Variants in MAN1A2 observed in about 807,000 individuals in gnomAD.
MAN1A2 encodes the protein mannosidase alpha class 1A member 2, also known as mannosyl-oligosaccharide 1,2-alpha-mannosidase IB.
Under a neutral mutation model 75.7 loss-of-function variants are expected in MAN1A2, and 26 were observed. The ratio of observed to expected loss-of-function variants is 0.34; its 90% CI spans 0.25 to 0.48. The LOEUF (loss-of-function observed/expected upper bound fraction) is 0.48. MAN1A2 is among the 20% of genes least tolerant of loss of function. The pLI is 0.99. For missense variants in MAN1A2, 562 were observed against 775.5 expected (o/e 0.72, Z 3.27); for synonymous variants, 247 against 264.6 (o/e 0.93, Z 0.65).
At chr1:117,444,125 T>C (rs1649132367) in intron 6 of MAN1A2, among the ~76,000 whole-genome samples, 1 of 152,170 alleles carries the variant, frequency 6.6e-6, no homozygotes, top group African/African-American at 2.4e-5. Flanking sequence ...TTCTTATCTT[T>C]CTCACTCAAT....
intron 8 of MAN1A2, among the ~76,000 whole-genome samples, chr1:117,483,599 G>C (rs1016645748): frequency 6.6e-6 from 1 of 152,086 alleles, no homozygotes; most frequent in Non-Finnish European, 1.5e-5. Context: ...TGTATCCTGA[G>C]ACTTTGCTGA....
chr1:117,425,211 C>T (rs914303222), intron 5 of MAN1A2, among the ~76,000 whole-genome samples: 5 of 151,888 alleles, frequency 3.3e-5, no homozygotes, highest in African/African-American at 1.2e-4. Flanking sequence ...TAAAAAGATG[C>T]AAAGTTTTAA....
chr1:117,422,952 C>G (rs147603193), intron 5 of MAN1A2, among the ~76,000 whole-genome samples: 2 of 152,126 alleles, frequency 1.3e-5, no homozygotes, highest in Non-Finnish European at 1.5e-5. Flanking sequence ...ATGGTTCATG[C>G]ATTTGGTATT....
chr1:117,458,993 A>G (rs1649722534), intron 6 of MAN1A2, among the ~76,000 whole-genome samples: 1 of 152,154 alleles, frequency 6.6e-6, no homozygotes, highest in Admixed American at 6.6e-5. Flanking sequence ...AGCAGTCATG[A>G]AAGCTAGACA....
intron 8 of MAN1A2, among the ~76,000 whole-genome samples, chr1:117,468,351 C>T (rs1650042746): frequency 1.3e-5 from 2 of 152,082 alleles, no homozygotes; most frequent in South Asian, 4.1e-4. Flanking sequence ...GCTTTTTGAG[C>T]CAGCAACTCA....
chr1:117,439,202 G>A (rs918130604), intron 5 of MAN1A2, among the ~76,000 whole-genome samples: 5 of 152,168 alleles, frequency 3.3e-5, no homozygotes, highest in African/African-American at 1.2e-4. Flanking sequence ...GTGCATGAAG[G>A]AGGGGGTGAA....
intron 4 of MAN1A2, 34 bp from the exon 5 acceptor site, chr1:117,420,535 G>C: frequency 7.1e-7 from 1 of 1,404,510 alleles, no homozygotes. Context: ...AAAGCATTAC[G>C]TATTTGTGAA....
Position 117,499,069 on chromosome 1 carries a change from A to G in MAN1A2, c.1505-313A>G, listed in dbSNP as rs146426203. 2.6e-3 allele frequency among the ~76,000 whole-genome samples: 391 copies of G among 152,070 alleles called. 5 individuals are homozygous for G. The highest frequency in any genetic ancestry group is 8.7e-3 in the African/African-American group (362 of 41,542). On this transcript the variant is annotated intron_variant, in intron 10 of 12. Coordinates refer to ENST00000356554, the MANE Select transcript of MAN1A2 (RefSeq NM_006699.5). ...GACCACAATGGACTGTATGATGTGC[A>G]AATGTCTAGTTTGCATTTGTTTCCA...
At chr1:117,474,031 A>G (rs756012085) in intron 8 of MAN1A2, among the ~76,000 whole-genome samples, 2 of 151,978 alleles carry the variant, frequency 1.3e-5, no homozygotes, top group Non-Finnish European at 2.9e-5. Flanking sequence ...TTTGGAGGTA[A>G]TAGTAAAACA....
chr1:117,450,961 T>G (rs1291271216), intron 6 of MAN1A2, among the ~76,000 whole-genome samples: 1 of 152,190 alleles, frequency 6.6e-6, no homozygotes, highest in Admixed American at 6.5e-5. Flanking sequence ...GAGTACCTGC[T>G]GGGGCACCAC....
At chr1:117,384,667 T>C (rs1653462197) in intron 1 of MAN1A2, among the ~76,000 whole-genome samples, 1 of 152,204 alleles carries the variant, frequency 6.6e-6, no homozygotes, top group African/African-American at 2.4e-5. Flanking sequence ...AATGGGGGTA[T>C]TGAAGTTTCT....
At chr1:117,490,379 A>G (rs865994689) in intron 8 of MAN1A2, among the ~76,000 whole-genome samples, 17 of 151,978 alleles carry the variant, frequency 1.1e-4, no homozygotes, top group African/African-American at 2.4e-4. Context: ...GTAATCAGTG[A>G]TCTTTGATAT....
chr1:117,380,151 C>T (rs567471729), intron 1 of MAN1A2, among the ~76,000 whole-genome samples: 2 of 152,074 alleles, frequency 1.3e-5, no homozygotes, highest in African/African-American at 2.4e-5. Flanking sequence ...AATATTTATT[C>T]ATTAAAAAAA....
chr1:117,417,706 A>ACT lies in MAN1A2; in HGVS notation c.775-2837_775-2836dup, dbSNP rs772502807. Among the ~76,000 whole-genome samples, 844 of 143,556 alleles carry ACT rather than the reference A, an allele frequency of 5.9e-3. 11 individuals carry two copies. Among genetic ancestry groups the ACT allele is most frequent in the African/African-American group, 0.018 (685 of 38,982 alleles). 94.2% of individuals were successfully genotyped at this position (143,556 alleles called of 152,430 possible). A position where few individuals can be genotyped will look rare whatever the true frequency, so the allele number is the denominator to read the frequency against. Reference sequence around the variant, plus strand: ...AGTAGGCGTGCACACACACACACACACTCTCTCTCTCTCTCTCTCTCTCTC... The same window carrying ACT: ...AGTAGGCGTGCACACACACACACACACTCTCTCTCTCTCTCTCTCTCTCTCTC... On this transcript the variant is annotated intron_variant, in intron 4 of 12. Coordinates refer to ENST00000356554, the MANE Select transcript of MAN1A2 (RefSeq NM_006699.5).
At chr1:117,385,021 G>T (rs926223803) in intron 1 of MAN1A2, among the ~76,000 whole-genome samples, 2 of 152,146 alleles carry the variant, frequency 1.3e-5, no homozygotes, top group African/African-American at 4.8e-5. Context: ...GATGCTGTCT[G>T]GCTGTCTGAA....
intron 8 of MAN1A2, among the ~76,000 whole-genome samples, chr1:117,474,296 C>T (rs2101851245): frequency 6.6e-6 from 1 of 152,072 alleles, no homozygotes; most frequent in South Asian, 2.1e-4. Flanking sequence ...ACAGAGTCAA[C>T]TAAGCATTGC....
At chr1:117,482,426 G>A (rs1172574566) in intron 8 of MAN1A2, among the ~76,000 whole-genome samples, 1 of 152,022 alleles carries the variant, frequency 6.6e-6, no homozygotes, top group African/African-American at 2.4e-5. Flanking sequence ...TGCGTGAGAT[G>A]GTATCTCATT....
intron 6 of MAN1A2, among the ~76,000 whole-genome samples, chr1:117,443,319 T>G (rs919474544): frequency 6.6e-6 from 1 of 152,192 alleles, no homozygotes; most frequent in Admixed American, 6.5e-5. Flanking sequence ...ATCTCTGATT[T>G]CATGCACTAT....
At chr1:117,518,974 T>C (rs1230003452) in intron 12 of MAN1A2, among the ~76,000 whole-genome samples, 1 of 152,010 alleles carries the variant, frequency 6.6e-6, no homozygotes, top group African/African-American at 2.4e-5. Context: ...ATATTGAAAT[T>C]CTGTCAAGCC....
Sources: gnomAD v4.1 joint callset for allele counts (sites outside exome capture counted in the v4.1 genomes callset) on GRCh38, gnomAD v4.1.1 for gene constraint, MANE v1.5 for transcripts, NCBI Gene and HGNC (gene_info 2026-07-23, HGNC 2026-07-21) for gene names.